Variants in TBXAS1 observed in about 807,000 individuals in gnomAD.
TBXAS1 encodes the protein thromboxane A synthase 1.
Under a neutral mutation model 60.7 loss-of-function variants are expected in TBXAS1, and 48 were observed. That is an observed-to-expected ratio of 0.79 (90% CI 0.63 to 1.01). The LOEUF (loss-of-function observed/expected upper bound fraction) is 1.01. Ranked by LOEUF, TBXAS1 falls within the 50% of genes least tolerant of loss-of-function variation. The pLI is 0.00. For synonymous variants in TBXAS1, 287 were observed against 269.7 expected (o/e 1.06, Z -0.63); for missense variants, 685 against 686.3 (o/e 1.00, Z 0.02).
chr7:139,958,160 G>A (rs1372840927), intron 8 of TBXAS1, among the ~76,000 whole-genome samples: 2 of 152,150 alleles, frequency 1.3e-5, no homozygotes, highest in African/African-American at 2.4e-5. Flanking sequence ...CCAGCAAGAT[G>A]GAGTTCTCCA....
chr7:140,017,890 G>A (rs1815223697), intron 12 of TBXAS1, 57 bp downstream of exon 12: 1 of 1,612,408 alleles, frequency 6.2e-7, no homozygotes, highest in Non-Finnish European at 8.5e-7. Context: ...GGCCACCCCA[G>A]TTCTCTGCGT....
rs927571122 is a variant in TBXAS1 at position 140,004,450 on chromosome 7, C to T, written c.1135-2641C>T. Among the ~76,000 whole-genome samples, 1 of 152,184 alleles carries T rather than the reference C, an allele frequency of 6.6e-6. No individual in the cohort carries two copies. On this transcript the variant is annotated intron_variant, in intron 9 of 12. Transcript: ENST00000448866. This position sits in a 1 kb window ranked among gnomAD's most constrained non-coding sequence, Gnocchi z 5.1. ...CCAGTTTTAAATGTAAATTTCAGAG[C>T]GTTTAACTTATATGCAGAACCACTG...
At chr7:139,838,808 C>T (rs1799234882) in intron 1 of TBXAS1, among the ~76,000 whole-genome samples, 1 of 152,166 alleles carries the variant, frequency 6.6e-6, no homozygotes, top group Admixed American at 6.5e-5. Context: ...ACTGGGGCAT[C>T]AGGGGATCAG....
chr7:140,019,052 C>T (rs1471282529), intron 12 of TBXAS1, among the ~76,000 whole-genome samples: 2 of 152,224 alleles, frequency 1.3e-5, no homozygotes, highest in Non-Finnish European at 1.5e-5. Context: ...CACTGTTCAG[C>T]TGCAGACCTG....
chr7:139,900,171 G>C (rs1232323112), intron 3 of TBXAS1, among the ~76,000 whole-genome samples: 1 of 152,124 alleles, frequency 6.6e-6, no homozygotes, highest in Admixed American at 6.5e-5. Context: ...GCACCCTATA[G>C]GAAGTAGACC....
At chr7:139,992,423 T>A (rs1004054421) in intron 9 of TBXAS1, among the ~76,000 whole-genome samples, 2 of 152,156 alleles carry the variant, frequency 1.3e-5, no homozygotes, top group Non-Finnish European at 2.9e-5. Context: ...GGAGGGCCAC[T>A]CTCTTGGGTC....
upstream of TBXAS1, among the ~76,000 whole-genome samples, chr7:139,824,935 T>G (rs760405770): frequency 4.0e-5 from 6 of 151,416 alleles, no homozygotes; most frequent in Non-Finnish European, 7.4e-5. Flanking sequence ...GTTCAAATGA[T>G]TCTCCTGCCT....
At chr7:139,890,242 G>A (rs1803471444) in intron 3 of TBXAS1, among the ~76,000 whole-genome samples, 1 of 114,408 alleles carries the variant, frequency 8.7e-6, no homozygotes, top group Non-Finnish European at 1.7e-5. Context: ...TTGAGACAGA[G>A]TCTCGTTTTG....
At chr7:139,905,015 C>CTT (rs1338871787) in intron 3 of TBXAS1, among the ~76,000 whole-genome samples, 1 of 69,964 alleles carries the variant, frequency 1.4e-5, no homozygotes, top group East Asian at 3.3e-4. Flanking sequence ...CTCTTTCTTT[C>CTT]TTTCTTTCTT....
intron 9 of TBXAS1, among the ~76,000 whole-genome samples, chr7:139,986,783 GTGTGTGTGTGTGTGTGTA>G (rs1233380195): frequency 2.0e-5 from 1 of 50,658 alleles, no homozygotes; most frequent in Non-Finnish European, 3.6e-5. Flanking sequence ...GTGTGTGTGT[GTGTGTGTGTGTGTGTGTA>G]TATATATATA....
At chr7:139,937,199 G>A (rs768146192) in intron 5 of TBXAS1, among the ~76,000 whole-genome samples, 7 of 152,180 alleles carry the variant, frequency 4.6e-5, no homozygotes, top group Non-Finnish European at 7.3e-5. Flanking sequence ...GGGGCTAAGG[G>A]GCTTCTTTAG....
At chr7:139,997,743 A>G (rs1350008246) in intron 9 of TBXAS1, among the ~76,000 whole-genome samples, 1 of 152,224 alleles carries the variant, frequency 6.6e-6, no homozygotes, top group Non-Finnish European at 1.5e-5. Context: ...CTAGGATGTC[A>G]ACAGGCTGCT....
intron 4 of TBXAS1, among the ~76,000 whole-genome samples, chr7:139,818,198 AGGT>A (rs1054939294): frequency 1.3e-5 from 2 of 152,104 alleles, no homozygotes; most frequent in African/African-American, 2.4e-5. Context: ...TTCCTTGAGG[AGGT>A]GGTGGCTACT....
At chr7:139,855,243 T>C (rs1800501001) in intron 1 of TBXAS1, among the ~76,000 whole-genome samples, 1 of 152,182 alleles carries the variant, frequency 6.6e-6, no homozygotes, top group South Asian at 2.1e-4. Context: ...TCAGGTATTG[T>C]GTTATAAGCA....
intron 1 of TBXAS1, among the ~76,000 whole-genome samples, chr7:139,863,819 C>T (rs1478258153): frequency 6.6e-6 from 1 of 151,978 alleles, no homozygotes; most frequent in African/African-American, 2.4e-5. Flanking sequence ...AAATGATCAA[C>T]AAAGAAAAAG....
At chr7:139,967,845 CA>C (rs1810906170) in intron 9 of TBXAS1, among the ~76,000 whole-genome samples, 1 of 152,216 alleles carries the variant, frequency 6.6e-6, no homozygotes, top group Admixed American at 6.5e-5. Flanking sequence ...TCCCACCTCT[CA>C]ATTTCCTGTT....
At chr7:140,014,597 C>T (rs542793250) in intron 10 of TBXAS1, among the ~76,000 whole-genome samples, 3 of 152,002 alleles carry the variant, frequency 2.0e-5, no homozygotes, top group African/African-American at 7.2e-5. Context: ...GACAGACACA[C>T]ACACAGAGAA....
chr7:139,957,529 C>T, intron 7 of TBXAS1, 105 bp from the exon 8 acceptor site: 2 of 1,517,636 alleles, frequency 1.3e-6, no homozygotes, highest in Non-Finnish European at 9.1e-7. Context: ...GACTCCAAAA[C>T]GGCTCCGATT....
intron 1 of TBXAS1, among the ~76,000 whole-genome samples, chr7:139,838,227 C>T (rs1320880284): frequency 6.6e-6 from 1 of 152,232 alleles, no homozygotes; most frequent in African/African-American, 2.4e-5. Context: ...CTCTTTCCTT[C>T]AACTCCAAGC....
Sources: allele counts gnomAD v4.1 joint callset (sites outside exome capture counted in the v4.1 genomes callset), GRCh38; gene constraint gnomAD v4.1.1; non-coding constraint Gnocchi (gnomAD v3.1); transcripts MANE v1.5; gene names NCBI Gene and HGNC (gene_info 2026-07-23, HGNC 2026-07-21).